The following GLYAT variants were observed in gnomAD, a reference collection of about 807,000 sequenced individuals.
GLYAT encodes glycine N-acyltransferase.
Under a neutral mutation model 22.8 loss-of-function variants are expected in GLYAT, and 25 were observed. That is an observed-to-expected ratio of 1.09 (90% CI 0.80 to 1.53). The LOEUF (loss-of-function observed/expected upper bound fraction) is 1.53, where lower values mean the gene tolerates loss of function less well. Among genes scored for constraint, GLYAT ranks in the 40% most tolerant of loss-of-function variants. GLYAT has a pLI of 0.00. For synonymous variants in GLYAT, 140 were observed against 122.7 expected (o/e 1.14, Z -0.93); for missense variants, 411 against 353.9 (o/e 1.16, Z -1.29).
At position 58,710,890 on chromosome 11, in the gene GLYAT, G is replaced by A. The variant is rs981949303; in HGVS notation, c.317-129C>T. ...GTTCTGGGCTTGGTGCTACCACTGT[G>A]TGACCCATGTCAATAGTAATTTAAA... On this transcript the variant is annotated intron_variant, in intron 4 of 5. Transcript: ENST00000344743. 6.6e-6 allele frequency: 4 copies of A among 605,310 alleles called. No individual in the cohort carries two copies. In the African/African-American group the frequency reaches 7.4e-5, roughly 11 times the overall value. 37.5% of individuals were successfully genotyped at this position (605,310 alleles called of 1,614,324 possible). A position where few individuals can be genotyped will look rare whatever the true frequency, so the allele number is the denominator to read the frequency against.
At position 58,710,113 on chromosome 11, in the gene GLYAT, T is replaced by C; in HGVS notation, c.544A>G (p.Asn182Asp). The C allele has an allele frequency of 6.2e-7, 1 of 1,614,134 alleles. No homozygotes were observed. The highest frequency in any genetic ancestry group is 8.5e-7 in the Non-Finnish European group (1 of 1,179,988). ...SMDVTHAHLV[N>D]KFWHFGGNER... ...TTACCACCAAAATGCCAGAATTTAT[T>C]CACCAAGTGAGCATGGGTAACATCC... Residue 182 changes from asparagine to aspartate, a missense_variant, in exon 6 of 6, where the codon AAT (asparagine) becomes GAT (aspartate). Asn to Asp is a conservative substitution (Grantham distance 23). Coordinates refer to ENST00000344743, the MANE Select transcript of GLYAT (RefSeq NM_201648.3).
intron 2 of GLYAT, among the ~76,000 whole-genome samples, chr11:58,721,220 A>G (rs1856746093): frequency 6.6e-6 from 1 of 151,944 alleles, no homozygotes; most frequent in Non-Finnish European, 1.5e-5. Context: ...GCTGTCAGAA[A>G]AATAGCCTTA....
chr11:58,713,249 C>T (rs1331649033), intron 3 of GLYAT, among the ~76,000 whole-genome samples: 27 of 151,998 alleles, frequency 1.8e-4, no homozygotes, highest in Non-Finnish European at 2.9e-5. Context: ...GGTTTGTATG[C>T]ATATAATTAT....
In GLYAT at chr11:58,710,571, T is replaced by G. The variant is rs764349751; in HGVS notation, c.488+19A>C. The G allele has an allele frequency of 6.4e-7, 1 of 1,571,124 alleles. No homozygotes were observed. The highest frequency in any genetic ancestry group is 2.2e-5 in the East Asian group (1 of 44,780). On this transcript the variant is annotated intron_variant, in intron 5 of 5. Transcript: ENST00000344743. ...CTTGAGAGGTGTGAGTGGTATAGAC[T>G]GGATTTTATCAAACTCACATGGCCT...
intron 1 of GLYAT, among the ~76,000 whole-genome samples, chr11:58,729,618 A>C (rs1238243700): frequency 6.6e-6 from 1 of 152,168 alleles, no homozygotes; most frequent in Non-Finnish European, 1.5e-5. Context: ...GCTTGTATTA[A>C]TTGTCTGTCT....
At chr11:58,711,581 T>G (rs1258828203) in intron 4 of GLYAT, among the ~76,000 whole-genome samples, 1 of 152,210 alleles carries the variant, frequency 6.6e-6, no homozygotes, top group African/African-American at 2.4e-5. Context: ...AACAGCAGTA[T>G]CTGCACTGGA....
rs532834773 is a variant in GLYAT at position 58,725,482 on chromosome 11, T to C, written c.-15-971A>G. ...AGAGAGTGTTGCATTAAAACTGGTC[T>C]GATGCAAGATTCCATAACTAGGTAA... On this transcript the variant is annotated intron_variant, in intron 1 of 5. Coordinates refer to ENST00000344743, the MANE Select transcript of GLYAT (RefSeq NM_201648.3). Among the ~76,000 whole-genome samples, 7 of 152,262 alleles carry C rather than the reference T, an allele frequency of 4.6e-5. No homozygotes were observed. The South Asian group carries it at 1.5e-3, about 32-fold the overall frequency.
At chr11:58,724,155 GGCATAACTATGTTCATATCATA>G (rs537043679) in intron 2 of GLYAT, 389 of 346,504 alleles carry the variant, frequency 1.1e-3, no homozygotes, top group African/African-American at 7.6e-3. Flanking sequence ...TTTAGACTAA[GGCATAACTATGTTCATATCATA>G]GCATTGCAAC....
intron 2 of GLYAT, among the ~76,000 whole-genome samples, chr11:58,721,960 A>G (rs1228102705): frequency 6.6e-6 from 1 of 152,114 alleles, no homozygotes; most frequent in Non-Finnish European, 1.5e-5. Context: ...ATTTCTGAGC[A>G]CCGTAAGTGT....
chr11:58,722,954 T>A (rs1856768714), intron 2 of GLYAT, among the ~76,000 whole-genome samples: 1 of 151,998 alleles, frequency 6.6e-6, no homozygotes, highest in Non-Finnish European at 1.5e-5. Context: ...TGTCTTTTAG[T>A]ATACAACAAA....
chr11:58,719,915 T>TA (rs767354158), intron 2 of GLYAT, among the ~76,000 whole-genome samples: 38 of 152,142 alleles, frequency 2.5e-4, no homozygotes, highest in Non-Finnish European at 3.7e-4. Context: ...TATTGTGACT[T>TA]ACACCGACTG....
At chr11:58,722,304 T>G (rs1856759987) in intron 2 of GLYAT, among the ~76,000 whole-genome samples, 1 of 152,002 alleles carries the variant, frequency 6.6e-6, no homozygotes, top group South Asian at 2.1e-4. Context: ...TCAGTTAATT[T>G]AGAAAGTTCA....
chr11:58,717,333 A>C (rs1308633486), intron 2 of GLYAT, among the ~76,000 whole-genome samples: 3 of 152,020 alleles, frequency 2.0e-5, no homozygotes, highest in African/African-American at 7.2e-5. Context: ...AATAGGGTGA[A>C]AGGGAGAAAA....
chr11:58,728,433 G>A (rs1217744722), intron 1 of GLYAT, among the ~76,000 whole-genome samples: 1 of 151,972 alleles, frequency 6.6e-6, no homozygotes, highest in Non-Finnish European at 1.5e-5. Flanking sequence ...ATGCCCCTCA[G>A]TTGAATTCTT....
intron 1 of GLYAT, among the ~76,000 whole-genome samples, chr11:58,727,175 A>G (rs755702317): frequency 1.8e-4 from 27 of 152,134 alleles, no homozygotes; most frequent in Non-Finnish European, 3.5e-4. Flanking sequence ...CTTTTTTGGC[A>G]ATGTACCAAC....
chr11:58,728,892 A>AAGAAAGAAAGAAAGAAGGAAGGAG (rs200455663), intron 1 of GLYAT, among the ~76,000 whole-genome samples: 16 of 89,116 alleles, frequency 1.8e-4, no homozygotes, highest in African/African-American at 7.3e-4. Flanking sequence ...GAAAGAAAGA[A>AAGAAAGAAAGAAAGAAGGAAGGAG]GGAAGGAAGG....
intron 2 of GLYAT, among the ~76,000 whole-genome samples, chr11:58,721,571 G>A (rs1856750548): frequency 6.6e-6 from 1 of 152,024 alleles, no homozygotes; most frequent in South Asian, 2.1e-4. Flanking sequence ...ATACAAACAT[G>A]CACACATGAA....
chr11:58,724,597 CA>C, intron 1 of GLYAT, 86 bp from the exon 2 acceptor site: 2 of 497,696 alleles, frequency 4.0e-6, no homozygotes, highest in Admixed American at 1.0e-4. Context: ...TATTAATGAC[CA>C]GGTTTTTTTT....
rs571614382 is a variant in GLYAT, at chr11:58,720,189, AAC to A, written c.81+4225_81+4226del. 5.9e-5 allele frequency among the ~76,000 whole-genome samples: 9 copies of A among 152,094 alleles called. No individual in the cohort carries two copies. In the South Asian group the frequency reaches 8.3e-4, roughly 14 times the overall value. ...AAAAAACTTGTTCACCTCTTTAAAAAACACACACACAGTTTTGTTTATTTTTT... is the reference window on the plus strand; with the variant it reads ...AAAAAACTTGTTCACCTCTTTAAAAAACACACACAGTTTTGTTTATTTTTT... On this transcript the variant is annotated intron_variant, in intron 2 of 5. Transcript: ENST00000344743.
Sources: gnomAD v4.1 joint callset for allele counts (sites outside exome capture counted in the v4.1 genomes callset) on GRCh38, gnomAD v4.1.1 for gene constraint, MANE v1.5 for transcripts, NCBI Gene and HGNC (gene_info 2026-07-23, HGNC 2026-07-21) for gene names.